Variants in THSD7B observed in about 807,000 individuals in gnomAD.
THSD7B encodes thrombospondin type-1 domain-containing protein 7B.
THSD7B carries 138 observed loss-of-function variants against 213.6 expected under a neutral mutation model. The ratio of observed to expected loss-of-function variants is 0.65; its 90% CI spans 0.56 to 0.74. THSD7B has a LOEUF of 0.74. THSD7B is among the 30% of genes least tolerant of loss of function. THSD7B has a pLI of 0.00. For missense variants in THSD7B, 1,931 were observed against 1,991.5 expected (o/e 0.97, Z 0.58); for synonymous variants, 742 against 687.0 (o/e 1.08, Z -1.25).
chr2:137,224,065 A>G (rs1349268596), intron 7 of THSD7B, among the ~76,000 whole-genome samples: 1 of 152,196 alleles, frequency 6.6e-6, no homozygotes, highest in Non-Finnish European at 1.5e-5. Flanking sequence ...AGTTCTTTAT[A>G]ACAGTGTGAG....
At chr2:136,881,047 A>T (rs1400529740) in intron 1 of THSD7B, among the ~76,000 whole-genome samples, 1 of 152,136 alleles carries the variant, frequency 6.6e-6, no homozygotes, top group East Asian at 1.9e-4. Flanking sequence ...ACCAGTCCCC[A>T]AACACAAAAC....
At chr2:137,322,515 T>C (rs1391414879) in intron 12 of THSD7B, among the ~76,000 whole-genome samples, 1 of 152,186 alleles carries the variant, frequency 6.6e-6, no homozygotes, top group Non-Finnish European at 1.5e-5. Flanking sequence ...ATTTTATATA[T>C]AACGAGACTG....
At chr2:137,102,246 C>G (rs1450385047) in intron 4 of THSD7B, among the ~76,000 whole-genome samples, 1 of 152,002 alleles carries the variant, frequency 6.6e-6, no homozygotes, top group Non-Finnish European at 1.5e-5. Context: ...CCCAGGCAAA[C>G]AGAGCCTGAA....
At chr2:136,817,649 G>A (rs1682497533) in intron 1 of THSD7B, among the ~76,000 whole-genome samples, 1 of 151,294 alleles carries the variant, frequency 6.6e-6, no homozygotes, top group Non-Finnish European at 1.5e-5. Flanking sequence ...TTTTTCTCAG[G>A]TTTGTCAAAG....
At chr2:136,840,082 G>A (rs544990341) in intron 1 of THSD7B, among the ~76,000 whole-genome samples, 1 of 152,220 alleles carries the variant, frequency 6.6e-6, no homozygotes, top group Non-Finnish European at 1.5e-5. Flanking sequence ...GTATGCAAAA[G>A]AGTATCAAAA....
intron 7 of THSD7B, among the ~76,000 whole-genome samples, chr2:137,220,163 C>T (rs995211998): frequency 6.6e-6 from 1 of 151,830 alleles, no homozygotes; most frequent in Non-Finnish European, 1.5e-5. Flanking sequence ...TACAGCACCA[C>T]AATCTATACA....
chr2:137,178,768 T>A (rs780601508), intron 7 of THSD7B, among the ~76,000 whole-genome samples: 91 of 152,312 alleles, frequency 6.0e-4, no homozygotes, highest in Non-Finnish European at 9.3e-4. Flanking sequence ...TACTGTATGT[T>A]GTCTCTATAA....
intron 15 of THSD7B, among the ~76,000 whole-genome samples, chr2:137,559,241 G>C (rs1176890965): frequency 6.6e-6 from 1 of 152,108 alleles, no homozygotes; most frequent in Non-Finnish European, 1.5e-5. Flanking sequence ...AACCAAAAAA[G>C]AGCCCGCATT....
chr2:137,615,100 A>G (rs985447883), intron 17 of THSD7B, among the ~76,000 whole-genome samples: 1 of 152,158 alleles, frequency 6.6e-6, no homozygotes, highest in Non-Finnish European at 1.5e-5. Flanking sequence ...GTGACATATA[A>G]TTGATATTAA....
At chr2:137,346,597 A>G (rs1421808701) in intron 12 of THSD7B, among the ~76,000 whole-genome samples, 5 of 151,566 alleles carry the variant, frequency 3.3e-5, no homozygotes, top group Admixed American at 3.3e-4. Context: ...TTCTTTCTGA[A>G]GCACAACTTA....
At chr2:137,442,579 G>T (rs1315234611) in intron 14 of THSD7B, among the ~76,000 whole-genome samples, 1 of 152,050 alleles carries the variant, frequency 6.6e-6, no homozygotes, top group South Asian at 2.1e-4. Context: ...AATATTGCTG[G>T]TCCTTGTGGC....
At chr2:137,674,597 A>G (rs1012200936) in intron 27 of THSD7B, among the ~76,000 whole-genome samples, 22 of 152,242 alleles carry the variant, frequency 1.4e-4, no homozygotes, top group Non-Finnish European at 3.2e-4. Context: ...TACTTAGTAT[A>G]GATAAAGTTA....
At chr2:137,303,719 T>A (rs1683668468) in intron 12 of THSD7B, among the ~76,000 whole-genome samples, 2 of 130,744 alleles carry the variant, frequency 1.5e-5, no homozygotes, top group Non-Finnish European at 3.1e-5. Flanking sequence ...TATATATTTA[T>A]ATATATATTT....
intron 15 of THSD7B, among the ~76,000 whole-genome samples, chr2:137,469,892 T>C (rs1688060273): frequency 6.6e-6 from 1 of 152,210 alleles, no homozygotes; most frequent in African/African-American, 2.4e-5. Flanking sequence ...GTAGTTTTAA[T>C]AACTTGCTAA....
rs145118982 is a variant in THSD7B, at chr2:137,470,804, C to A, written c.3138+19781C>A. 7.7e-3 allele frequency among the ~76,000 whole-genome samples: 1,170 copies of A among 152,192 alleles called. 6 individuals are homozygous for A. The highest frequency in any genetic ancestry group is 0.012 in the Non-Finnish European group (819 of 68,012). On this transcript the variant is annotated intron_variant, in intron 15 of 27. Transcript: ENST00000409968. ...AAAAATCAGAATGTCTGGCACTCTT[C>A]AGCTGAATCTGAGAATGTCTATAGT...
intron 9 of THSD7B, among the ~76,000 whole-genome samples, chr2:137,238,757 G>A (rs1681833057): frequency 6.7e-6 from 1 of 150,048 alleles, no homozygotes; most frequent in Non-Finnish European, 1.5e-5. Context: ...GTTTCACCTT[G>A]TTAGCCAGGA....
chr2:136,839,235 C>G (rs1289718517), intron 1 of THSD7B, among the ~76,000 whole-genome samples: 1 of 152,174 alleles, frequency 6.6e-6, no homozygotes, highest in Non-Finnish European at 1.5e-5. Context: ...CACCTACCTC[C>G]TTTCTACTGC....
At chr2:136,793,321 C>T (rs926689507) in intron 1 of THSD7B, among the ~76,000 whole-genome samples, 2 of 151,944 alleles carry the variant, frequency 1.3e-5, no homozygotes, top group African/African-American at 4.8e-5. Flanking sequence ...TTTGCATTGC[C>T]TACATGACTA....
chr2:137,371,351 G>A (rs895050400), intron 12 of THSD7B, among the ~76,000 whole-genome samples: 3 of 152,142 alleles, frequency 2.0e-5, no homozygotes, highest in African/African-American at 4.8e-5. Flanking sequence ...GAATAATATG[G>A]TGAGGTATAA....
Sources: gnomAD v4.1 joint callset for allele counts (sites outside exome capture counted in the v4.1 genomes callset) on GRCh38, gnomAD v4.1.1 for gene constraint, MANE v1.5 for transcripts, NCBI Gene and HGNC (gene_info 2026-07-23, HGNC 2026-07-21) for gene names.